Variants in ARL15 observed in about 807,000 individuals in gnomAD.
ARL15 encodes the protein ARF like GTPase 15.
ARL15 carries 19 observed loss-of-function variants against 25.2 expected under a neutral mutation model. That is an observed-to-expected ratio of 0.75 (90% CI 0.53 to 1.10). ARL15 has a LOEUF of 1.10. ARL15 is among the 50% of genes least tolerant of loss of function. The pLI is 0.00. For synonymous variants in ARL15, 94 were observed against 86.8 expected (o/e 1.08, Z -0.46); for missense variants, 220 against 246.0 (o/e 0.89, Z 0.71).
intron 4 of ARL15, among the ~76,000 whole-genome samples, chr5:54,071,515 C>T (rs1349929268): frequency 4.2e-5 from 4 of 95,802 alleles, no homozygotes; most frequent in East Asian, 2.9e-4. Context: ...GCCTTTCCCC[C>T]CCCCCCCCCC....
intron 4 of ARL15, among the ~76,000 whole-genome samples, chr5:54,010,559 C>T (rs1749201820): frequency 1.3e-5 from 2 of 152,142 alleles, no homozygotes; most frequent in African/African-American, 2.4e-5. Flanking sequence ...CTCTGAATAA[C>T]CGCCAGCTAA....
At chr5:54,151,732 C>CT (rs35974237) in intron 3 of ARL15, among the ~76,000 whole-genome samples, 5 of 96,538 alleles carry the variant, frequency 5.2e-5, no homozygotes, top group African/African-American at 1.9e-4. Context: ...TCATTAAGAT[C>CT]CCCAAAAGTG....
intron 4 of ARL15, among the ~76,000 whole-genome samples, chr5:54,078,117 T>C (rs1751669973): frequency 6.6e-6 from 1 of 152,240 alleles, no homozygotes; most frequent in Non-Finnish European, 1.5e-5. Context: ...CTATTACTTA[T>C]AATATGCTCT....
At chr5:54,019,063 A>C (rs945697214) in intron 4 of ARL15, among the ~76,000 whole-genome samples, 1 of 152,150 alleles carries the variant, frequency 6.6e-6, no homozygotes, top group African/African-American at 2.4e-5. Flanking sequence ...TTAACTACTA[A>C]ATTTAATGAA....
intron 3 of ARL15, among the ~76,000 whole-genome samples, chr5:54,140,279 G>T (rs1009539297): frequency 1.3e-5 from 2 of 150,342 alleles, no homozygotes; most frequent in African/African-American, 4.9e-5. Flanking sequence ...AAACAAGGCA[G>T]CATGTGCTCT....
chr5:54,198,750 C>T (rs1755629933), intron 1 of ARL15, among the ~76,000 whole-genome samples: 1 of 151,032 alleles, frequency 6.6e-6, no homozygotes, highest in Non-Finnish European at 1.5e-5. Context: ...CAATGCCATC[C>T]CCATCAAGCT....
chr5:54,154,455 T>C, intron 3 of ARL15, 125 bp downstream of exon 3: 1 of 635,768 alleles, frequency 1.6e-6, no homozygotes, highest in Non-Finnish European at 2.7e-6. Flanking sequence ...AGGAAATATA[T>C]TATCAAGATA....
chr5:54,197,574 A>G (rs1352525859), intron 1 of ARL15, among the ~76,000 whole-genome samples: 2 of 152,180 alleles, frequency 1.3e-5, no homozygotes, highest in Admixed American at 1.3e-4. Context: ...ACAACAGCTC[A>G]TTCACTTATT....
intron 4 of ARL15, among the ~76,000 whole-genome samples, chr5:53,903,907 T>C (rs1308639624): frequency 2.0e-5 from 3 of 152,274 alleles, no homozygotes; most frequent in Non-Finnish European, 1.5e-5. Flanking sequence ...CCTGGCCCTA[T>C]GGAGCTTACA....
intron 4 of ARL15, among the ~76,000 whole-genome samples, chr5:54,061,547 T>C (rs1751061407): frequency 6.6e-6 from 1 of 151,544 alleles, no homozygotes; most frequent in Admixed American, 6.6e-5. Context: ...GAGGTGGAGG[T>C]TGCAGTGAAC....
chr5:53,944,594 A>AAAAC (rs907824885), intron 4 of ARL15, among the ~76,000 whole-genome samples: 5 of 152,220 alleles, frequency 3.3e-5, no homozygotes, highest in South Asian at 4.2e-4. Flanking sequence ...CCTGCCTCAA[A>AAAAC]AAACAAACAA....
intron 4 of ARL15, among the ~76,000 whole-genome samples, chr5:54,033,916 C>G (rs1750085057): frequency 6.6e-6 from 1 of 152,126 alleles, no homozygotes; most frequent in African/African-American, 2.4e-5. Flanking sequence ...CGGGTTCACA[C>G]CATTCTCCTG....
intron 4 of ARL15, among the ~76,000 whole-genome samples, chr5:54,004,756 T>A (rs1331536230): frequency 2.0e-5 from 3 of 151,774 alleles, no homozygotes; most frequent in Non-Finnish European, 4.4e-5. Flanking sequence ...GGTACGAGCA[T>A]CTGCGATTAC....
At chr5:54,239,008 T>C (rs1756883721) in intron 1 of ARL15, among the ~76,000 whole-genome samples, 1 of 152,226 alleles carries the variant, frequency 6.6e-6, no homozygotes, top group Non-Finnish European at 1.5e-5. Context: ...CTCTTCTAAG[T>C]AATACAGCAG....
intron 4 of ARL15, among the ~76,000 whole-genome samples, chr5:54,088,204 A>G (rs1752032272): frequency 6.6e-6 from 1 of 152,234 alleles, no homozygotes; most frequent in Non-Finnish European, 1.5e-5. Context: ...AGAGAAAAAA[A>G]CAATTAATTC....
chr5:54,136,993 A>G (rs1353695072), intron 3 of ARL15, among the ~76,000 whole-genome samples: 2 of 151,896 alleles, frequency 1.3e-5, no homozygotes, highest in African/African-American at 2.4e-5. Context: ...TTCCAGCTAC[A>G]GATATTAAAA....
chr5:54,209,095 T>C (rs1448312114), intron 1 of ARL15, among the ~76,000 whole-genome samples: 2 of 152,096 alleles, frequency 1.3e-5, no homozygotes, highest in African/African-American at 4.8e-5. Context: ...TGAATGGCAT[T>C]TATAAAGGCA....
chr5:54,133,068 G>T (rs1753485446), intron 3 of ARL15, among the ~76,000 whole-genome samples: 1 of 152,136 alleles, frequency 6.6e-6, no homozygotes, highest in South Asian at 2.1e-4. Context: ...TGTATCAAGA[G>T]CCTTACGATG....
At chr5:54,104,916 T>G (rs1050290966) in intron 4 of ARL15, among the ~76,000 whole-genome samples, 2 of 152,038 alleles carry the variant, frequency 1.3e-5, no homozygotes, top group African/African-American at 4.8e-5. Flanking sequence ...AGAAAAAAAG[T>G]AAACCATTTG....
Sources: allele counts gnomAD v4.1 joint callset (sites outside exome capture counted in the v4.1 genomes callset), GRCh38; gene constraint gnomAD v4.1.1; transcripts MANE v1.5; gene names NCBI Gene and HGNC (gene_info 2026-07-23, HGNC 2026-07-21).